Variants in DDAH1 observed in about 807,000 individuals in gnomAD.
DDAH1 encodes the protein N(G),N(G)-dimethylarginine dimethylaminohydrolase 1.
A neutral mutation model predicts 28.8 loss-of-function variants in DDAH1; 19 were observed. The ratio of observed to expected loss-of-function variants is 0.66; its 90% CI spans 0.46 to 0.97. The LOEUF is 0.97. DDAH1 is among the 50% of genes least tolerant of loss of function. The pLI is 0.00. For missense variants in DDAH1, 326 were observed against 375.9 expected (o/e 0.87, Z 1.10); for synonymous variants, 153 against 154.4 (o/e 0.99, Z 0.07).
intron 1 of DDAH1, among the ~76,000 whole-genome samples, chr1:85,544,843 C>G (rs1658573593): frequency 6.6e-6 from 1 of 152,126 alleles, no homozygotes; most frequent in South Asian, 2.1e-4. Context: ...AGGAATTTGG[C>G]TCTAGAGGAG....
chr1:85,411,609 T>TATAGATC (rs1652658690), intron 1 of DDAH1, among the ~76,000 whole-genome samples: 1 of 152,204 alleles, frequency 6.6e-6, no homozygotes, highest in Admixed American at 6.5e-5. Flanking sequence ...TCTGTCTAGA[T>TATAGATC]ATAGATCAGG....
At chr1:85,550,748 A>AACAC (rs138890092) in intron 1 of DDAH1, among the ~76,000 whole-genome samples, 15 of 150,700 alleles carry the variant, frequency 1.0e-4, no homozygotes, top group South Asian at 4.2e-4. Context: ...AATAATAAAA[A>AACAC]ACACACACAC....
intron 1 of DDAH1, among the ~76,000 whole-genome samples, chr1:85,444,789 A>C (rs753392354): frequency 1.3e-5 from 2 of 152,226 alleles, no homozygotes; most frequent in Admixed American, 1.3e-4. Context: ...AAGTAAGGAC[A>C]ATATGGAGCG....
chr1:85,467,405 T>C (rs1557665026), upstream of DDAH1: 1 of 152,252 alleles, frequency 6.6e-6, no homozygotes, highest in Non-Finnish European at 1.5e-5. Flanking sequence ...TAAAACCTGA[T>C]GTTAGCCATG....
intron 4 of DDAH1, among the ~76,000 whole-genome samples, chr1:85,343,915 ATAGT>A (rs1255438353): frequency 3.3e-5 from 5 of 152,246 alleles, no homozygotes; most frequent in South Asian, 2.1e-4. Context: ...TCTCTATTAT[ATAGT>A]TAGTCATTCA....
intron 1 of DDAH1, among the ~76,000 whole-genome samples, chr1:85,436,883 T>C (rs919707508): frequency 5.3e-5 from 8 of 152,188 alleles, no homozygotes; most frequent in Admixed American, 5.2e-4. Flanking sequence ...ACAGGTGTCA[T>C]GGGAGACACT....
intron 5 of DDAH1, among the ~76,000 whole-genome samples, chr1:85,323,968 CAA>C (rs11446322): frequency 4.8e-4 from 48 of 99,904 alleles, no homozygotes; most frequent in Admixed American, 7.6e-4. Context: ...GATCCTGTCT[CAA>C]AAAAAAAAAA....
chr1:85,481,098 GT>G (rs71075839), intron 2 of DDAH1, among the ~76,000 whole-genome samples: 181 of 113,470 alleles, frequency 1.6e-3, no homozygotes, highest in Non-Finnish European at 2.1e-3. Context: ...TGGGTTTTTT[GT>G]TTTTTTTTTT....
At chr1:85,394,611 T>G (rs542527843) in intron 1 of DDAH1, among the ~76,000 whole-genome samples, 1 of 152,302 alleles carries the variant, frequency 6.6e-6, no homozygotes, top group South Asian at 2.1e-4. Context: ...CATATTTAAC[T>G]TTAGGGCTCT....
At chr1:85,395,754 G>A (rs897006271) in intron 1 of DDAH1, among the ~76,000 whole-genome samples, 2 of 152,020 alleles carry the variant, frequency 1.3e-5, no homozygotes, top group Admixed American at 6.6e-5. Flanking sequence ...GAAGATTTAT[G>A]GAAGATGAAT....
intron 1 of DDAH1, among the ~76,000 whole-genome samples, chr1:85,506,902 G>A (rs993111278): frequency 6.6e-6 from 1 of 152,190 alleles, no homozygotes; most frequent in African/African-American, 2.4e-5. Flanking sequence ...GGTAAGAGGC[G>A]ATGAAGAGCA....
chr1:85,478,372 C>A lies in DDAH1; in HGVS notation c.-7+17794G>T, dbSNP rs544116307. ...GTTGCTAATGAAGATATACCTAAGA[C>A]AGGGTAGTTTATACAGGAAAGAAGT... On this transcript the variant is annotated intron_variant, in intron 2 of 6. Coordinates refer to the DDAH1 transcript ENST00000426972. Among the ~76,000 whole-genome samples, 36 of 152,318 alleles carry A rather than the reference C, an allele frequency of 2.4e-4. No homozygotes were observed. The South Asian group carries it at 5.8e-3, about 25-fold the overall frequency.
intron 1 of DDAH1, among the ~76,000 whole-genome samples, chr1:85,405,629 G>GC (rs1228995684): frequency 1.6e-5 from 1 of 61,112 alleles, no homozygotes; most frequent in African/African-American, 4.9e-5. Context: ...TCTAAAAAGT[G>GC]CCCTAAAAAA....
chr1:85,389,620 T>C (rs1468633687), intron 1 of DDAH1, among the ~76,000 whole-genome samples: 1 of 152,190 alleles, frequency 6.6e-6, no homozygotes, highest in Non-Finnish European at 1.5e-5. Context: ...TCTACTCTGA[T>C]GTTGATGGCT....
rs1175586157 is a variant in DDAH1, at chr1:85,441,783, TTA to T, written c.303+22958_303+22959del. Among the ~76,000 whole-genome samples the T allele has an allele frequency of 2.0e-5, 3 of 152,182 alleles. No individual in the cohort carries two copies. The East Asian group carries it at 5.8e-4, about 29-fold the overall frequency. The stretch of plus-strand genomic sequence containing the variant: ...TCTCACAACAGTATACCTTTCAACT[TTA>T]TGTTTGCCATACAGCAGGATTCAGC... On this transcript the variant is annotated intron_variant, in intron 1 of 5. Coordinates refer to ENST00000284031, the MANE Select transcript of DDAH1 (RefSeq NM_012137.4).
At chr1:85,542,543 G>A (rs1421757147) in intron 1 of DDAH1, among the ~76,000 whole-genome samples, 3 of 152,186 alleles carry the variant, frequency 2.0e-5, no homozygotes, top group Non-Finnish European at 4.4e-5. Context: ...CATAAATGGT[G>A]ATAAAATGTG....
chr1:85,572,047 C>G (rs1423694738), intron 1 of DDAH1, among the ~76,000 whole-genome samples: 2 of 152,102 alleles, frequency 1.3e-5, no homozygotes, highest in African/African-American at 4.8e-5. Context: ...TGGGAGGTAG[C>G]AGCTCTGCCT....
intron 4 of DDAH1, among the ~76,000 whole-genome samples, chr1:85,339,829 C>T (rs1028440483): frequency 6.6e-6 from 1 of 152,188 alleles, no homozygotes; most frequent in Non-Finnish European, 1.5e-5. Flanking sequence ...TAACCCAAAA[C>T]TCAAAACCCT....
At chr1:85,569,595 A>G (rs941713769) in intron 1 of DDAH1, among the ~76,000 whole-genome samples, 1 of 152,094 alleles carries the variant, frequency 6.6e-6, no homozygotes, top group African/African-American at 2.4e-5. Context: ...TTCCAACCCC[A>G]TCTTCGTCCT....
Sources: allele counts gnomAD v4.1 joint callset (sites outside exome capture counted in the v4.1 genomes callset), GRCh38; gene constraint gnomAD v4.1.1; transcripts MANE v1.5; gene names NCBI Gene and HGNC (gene_info 2026-07-23, HGNC 2026-07-21).